CADM1: variants seen among roughly 807,000 people sequenced by gnomAD.
The protein encoded by CADM1 is TSLC-1.
In CADM1, 15 loss-of-function variants were observed where a neutral mutation model predicts 53.1. The observed-to-expected ratio is 0.28, with a 90% CI of 0.19 to 0.44. The LOEUF (loss-of-function observed/expected upper bound fraction) is 0.44, where lower values mean the gene tolerates loss of function less well. CADM1 is among the 20% of genes least tolerant of loss of function. The pLI is 1.00. For missense variants in CADM1, 434 were observed against 611.3 expected (o/e 0.71, Z 3.06); for synonymous variants, 281 against 243.0 (o/e 1.16, Z -1.45).
At chr11:115,351,505 T>G (rs1945736325) in intron 1 of CADM1, among the ~76,000 whole-genome samples, 2 of 152,178 alleles carry the variant, frequency 1.3e-5, no homozygotes, top group Admixed American at 1.3e-4. Flanking sequence ...AGCAAGCTGA[T>G]CTAAGAGCCC....
chr11:115,474,320 T>G (rs1224047786), intron 1 of CADM1, among the ~76,000 whole-genome samples: 1 of 137,336 alleles, frequency 7.3e-6, no homozygotes, highest in Non-Finnish European at 1.6e-5. Flanking sequence ...AAAAAAAAAT[T>G]AGGCAAAATA....
At chr11:115,179,080 A>G in intron 10 of CADM1, 1 of 397,292 alleles carries the variant, frequency 2.5e-6, no homozygotes, top group Non-Finnish European at 4.8e-6. Flanking sequence ...CTTAGCGTTC[A>G]CTCTGTCTGT....
At chr11:115,369,026 TA>T (rs552309443) in intron 1 of CADM1, among the ~76,000 whole-genome samples, 8,292 of 44,560 alleles carry the variant, frequency 0.19, 471 homozygotes, top group Middle Eastern at 0.24. Flanking sequence ...AAAAAAAATC[TA>T]AAAAAAAAAA....
intron 1 of CADM1, among the ~76,000 whole-genome samples, chr11:115,315,812 G>A (rs904192236): frequency 3.3e-5 from 5 of 152,104 alleles, no homozygotes; most frequent in Non-Finnish European, 7.4e-5. Flanking sequence ...GGAGCAACAC[G>A]AATTAAAAAC....
At chr11:115,192,246 AC>A (rs1939911036) in intron 9 of CADM1, among the ~76,000 whole-genome samples, 1 of 152,226 alleles carries the variant, frequency 6.6e-6, no homozygotes, top group East Asian at 1.9e-4. Context: ...GACGGCTGTC[AC>A]ACCATCAACC....
At chr11:115,386,713 A>T (rs1946707769) in intron 1 of CADM1, among the ~76,000 whole-genome samples, 1 of 134 alleles carries the variant, frequency 7.5e-3, no homozygotes, top group Admixed American at 0.12. Context: ...ATGAGGGCAG[A>T]GCCTCATGAC....
rs375032629 is a variant in CADM1, at chr11:115,240,223, A to C, written c.271+51T>G. 315 of 1,583,508 alleles carry C rather than the reference A, an allele frequency of 2.0e-4. 1 individual carries two copies. The highest frequency in any genetic ancestry group is 2.6e-4 in the Non-Finnish European group (301 of 1,155,404). ...GCCTTAGCAATCTCTTTATCAAGACAACATGTAGGTAAAAAAGTTGCCATC... is the reference window on the plus strand; with the variant it reads ...GCCTTAGCAATCTCTTTATCAAGACCACATGTAGGTAAAAAAGTTGCCATC... On this transcript the variant is annotated intron_variant, in intron 2 of 11. Coordinates refer to ENST00000331581, the MANE Select transcript of CADM1 (RefSeq NM_001301043.2).
At chr11:115,474,869 A>G (rs777675044) in intron 1 of CADM1, among the ~76,000 whole-genome samples, 3 of 152,170 alleles carry the variant, frequency 2.0e-5, no homozygotes, top group Non-Finnish European at 4.4e-5. Context: ...CCATAATGAG[A>G]TATCTCTACA....
rs56270694 is a variant in CADM1, at chr11:115,206,758, C to CTT, written c.1078+2814_1078+2815dup. 4.7e-3 allele frequency among the ~76,000 whole-genome samples: 181 copies of CTT among 38,186 alleles called. 40 individuals are homozygous for CTT. Among genetic ancestry groups the CTT allele is most frequent in the African/African-American group, 0.012 (129 of 10,322 alleles). 25.1% of individuals were successfully genotyped at this position (38,186 alleles called of 152,430 possible). ...AAAAGAAATAGATGACTGTGGACTTCTTTTTTTTTTTTTTTTTTTTTTTTT... is the reference window on the plus strand; with the variant it reads ...AAAAGAAATAGATGACTGTGGACTTCTTTTTTTTTTTTTTTTTTTTTTTTTTT... On this transcript the variant is annotated intron_variant, in intron 8 of 11. Coordinates refer to ENST00000331581, the MANE Select transcript of CADM1 (RefSeq NM_001301043.2).
At chr11:115,310,526 G>A (rs915278256) in intron 1 of CADM1, among the ~76,000 whole-genome samples, 2 of 152,090 alleles carry the variant, frequency 1.3e-5, no homozygotes, top group South Asian at 2.1e-4. Flanking sequence ...AACAAAGACA[G>A]ATAAGATTTT....
chr11:115,225,935 T>C (rs1369200023), intron 5 of CADM1, among the ~76,000 whole-genome samples: 2 of 152,170 alleles, frequency 1.3e-5, no homozygotes, highest in African/African-American at 2.4e-5. Flanking sequence ...TAAACCTTCA[T>C]GGTGTAAAAT....
At chr11:115,356,316 C>A (rs946874762) in intron 1 of CADM1, among the ~76,000 whole-genome samples, 2 of 150,154 alleles carry the variant, frequency 1.3e-5, no homozygotes, top group African/African-American at 4.9e-5. Context: ...AAATAACCTG[C>A]GAATTTGGAA....
At chr11:115,407,792 C>G (rs2135236797) in intron 1 of CADM1, among the ~76,000 whole-genome samples, 1 of 141,434 alleles carries the variant, frequency 7.1e-6, no homozygotes, top group East Asian at 2.2e-4. Flanking sequence ...GTCACCTGAG[C>G]CTGGGGGGGT....
At position 115,388,190 on chromosome 11, in the gene CADM1, TGACA is replaced by T. The variant is rs959558377; in HGVS notation, c.124+116077_124+116080del. On this transcript the variant is annotated intron_variant, in intron 1 of 11. Transcript: ENST00000331581. ...AGGGGAGTCTATAAGTCAATACGAC[TGACA>T]GACAGGCAGACAGACAGATAGATGG... 2.2e-4 allele frequency among the ~76,000 whole-genome samples: 33 copies of T among 152,220 alleles called. 1 individual carries two copies. In the Middle Eastern group the frequency reaches 0.014, roughly 63 times the overall value.
At chr11:115,468,737 C>G (rs991534403) in intron 1 of CADM1, among the ~76,000 whole-genome samples, 1 of 152,116 alleles carries the variant, frequency 6.6e-6, no homozygotes. Flanking sequence ...AAAACCCAGA[C>G]TAGGGCATGA....
rs555483961 is a variant in CADM1, at chr11:115,452,514, G to C, written c.124+51757C>G. Among the ~76,000 whole-genome samples the C allele has an allele frequency of 2.6e-5, 4 of 152,296 alleles. No homozygotes were observed. The East Asian group carries it at 7.7e-4, about 29-fold the overall frequency. On this transcript the variant is annotated intron_variant, in intron 1 of 11. Coordinates refer to ENST00000331581, the MANE Select transcript of CADM1 (RefSeq NM_001301043.2). ...TTAATATCAACAGTATGTTTGATTTGTACACAGTTATGAAATGTCATTCGG... is the reference window on the plus strand; with the variant it reads ...TTAATATCAACAGTATGTTTGATTTCTACACAGTTATGAAATGTCATTCGG...
chr11:115,244,777 AT>A (rs915084498), intron 1 of CADM1, among the ~76,000 whole-genome samples: 12 of 152,184 alleles, frequency 7.9e-5, no homozygotes, highest in African/African-American at 2.6e-4. Context: ...GCAACTTCTG[AT>A]TTTTTTTATT....
chr11:115,459,007 T>C (rs891647870), intron 1 of CADM1, among the ~76,000 whole-genome samples: 7 of 152,086 alleles, frequency 4.6e-5, no homozygotes, highest in African/African-American at 1.7e-4. Flanking sequence ...CAAAGAAACC[T>C]CTCGAGAGCC....
chr11:115,449,323 T>G (rs1313333587), intron 1 of CADM1, among the ~76,000 whole-genome samples: 1 of 152,198 alleles, frequency 6.6e-6, no homozygotes, highest in African/African-American at 2.4e-5. Flanking sequence ...ATGAAAATAA[T>G]GATTGTGCTT....
Sources: allele counts gnomAD v4.1 joint callset (sites outside exome capture counted in the v4.1 genomes callset), GRCh38; gene constraint gnomAD v4.1.1; transcripts MANE v1.5; gene names NCBI Gene and HGNC (gene_info 2026-07-23, HGNC 2026-07-21).